Variants in CTBP2 observed in about 807,000 individuals in gnomAD.
CTBP2 encodes C-terminal binding protein 2.
In CTBP2, 30 loss-of-function variants were observed where a neutral mutation model predicts 80.3. The ratio of observed to expected loss-of-function variants is 0.37; its 90% CI spans 0.28 to 0.51. The LOEUF (loss-of-function observed/expected upper bound fraction) is 0.51. CTBP2 is among the 20% of genes least tolerant of loss of function. The pLI is 0.93. For missense variants in CTBP2, 1,212 were observed against 1,375.3 expected (o/e 0.88, Z 1.88); for synonymous variants, 594 against 587.4 (o/e 1.01, Z -0.16).
In CTBP2 at chr10:125,066,759, C is replaced by A. The variant is rs1000199717; in HGVS notation, c.-101-27604G>T. Among the ~76,000 whole-genome samples the A allele has an allele frequency of 6.6e-6, 1 of 152,164 alleles. No individual in the cohort carries two copies. The highest frequency in any genetic ancestry group is 1.5e-5 in the Non-Finnish European group (1 of 68,026). ...GGGGGTTTCTTATCCATAAATGGAA[C>A]GACCTCACCAGAATTTTAAAATGTA... On this transcript the variant is annotated intron_variant, in intron 2 of 10. Coordinates refer to the CTBP2 transcript ENST00000337195. The surrounding 1 kb of genome is among the most constrained non-coding windows in gnomAD (Gnocchi z 4.1).
chr10:125,052,661 A>G (rs1198651925), intron 2 of CTBP2, among the ~76,000 whole-genome samples: 3 of 152,182 alleles, frequency 2.0e-5, no homozygotes, highest in Non-Finnish European at 4.4e-5. Context: ...CCAGCAGCAA[A>G]CGGATGGTGA....
At chr10:125,159,785 C>G (rs1392247025) in intron 1 of CTBP2, 1 of 149,792 alleles carries the variant, frequency 6.7e-6, no homozygotes, top group African/African-American at 2.4e-5. Flanking sequence ...CCCCGGAGAT[C>G]CGGCCGTATT....
At chr10:125,096,536 C>T (rs990183727) in intron 2 of CTBP2, among the ~76,000 whole-genome samples, 6 of 152,066 alleles carry the variant, frequency 3.9e-5, no homozygotes, top group African/African-American at 1.4e-4. Flanking sequence ...CCCTCCCTGC[C>T]GAAACAGTTA....
chr10:125,050,072 TG>T (rs1962346732), intron 2 of CTBP2, among the ~76,000 whole-genome samples: 1 of 150,594 alleles, frequency 6.6e-6, no homozygotes, highest in Admixed American at 6.6e-5. Context: ...TCACTCATCA[TG>T]CAAAGGCTGG....
intron 2 of CTBP2, among the ~76,000 whole-genome samples, chr10:125,075,650 AGACTT>A (rs1846167316): frequency 6.6e-6 from 1 of 152,274 alleles, no homozygotes; most frequent in Non-Finnish European, 1.5e-5. Flanking sequence ...AACAGGCAAA[AGACTT>A]GACAGGAACT....
chr10:125,049,311 C>T (rs192909565), intron 2 of CTBP2, among the ~76,000 whole-genome samples: 4 of 152,362 alleles, frequency 2.6e-5, no homozygotes, highest in Admixed American at 6.5e-5. Context: ...ATTTCAAAGT[C>T]GCCACAGTTG....
intron 1 of CTBP2, among the ~76,000 whole-genome samples, chr10:125,146,164 G>C (rs1298655996): frequency 1.3e-5 from 2 of 152,170 alleles, no homozygotes; most frequent in Admixed American, 1.3e-4. Context: ...GAAGAGACAG[G>C]GTTTTGCCAT....
At chr10:125,010,765 G>A (rs1955794363) in intron 1 of CTBP2, among the ~76,000 whole-genome samples, 1 of 152,186 alleles carries the variant, frequency 6.6e-6, no homozygotes, top group African/African-American at 2.4e-5. Context: ...CAAAATGAGT[G>A]CCGGGGAATT....
At chr10:125,119,483 C>CA (rs1392631525) in intron 1 of CTBP2, among the ~76,000 whole-genome samples, 1 of 152,198 alleles carries the variant, frequency 6.6e-6, no homozygotes, top group Non-Finnish European at 1.5e-5. Flanking sequence ...AGGGATATGT[C>CA]AGACACTATC....
intron 1 of CTBP2, among the ~76,000 whole-genome samples, chr10:125,009,124 T>C (rs1461726553): frequency 6.6e-6 from 1 of 152,242 alleles, no homozygotes; most frequent in Non-Finnish European, 1.5e-5. Flanking sequence ...TGTCCTTTGT[T>C]GGGTGAACTC....
intron 1 of CTBP2, among the ~76,000 whole-genome samples, chr10:125,126,733 C>A (rs891409643): frequency 7.0e-6 from 1 of 143,018 alleles, no homozygotes; most frequent in African/African-American, 2.6e-5. Context: ...ATTCTGATCA[C>A]CACCCCCCGC....
chr10:125,005,960 G>A, intron 1 of CTBP2: 1 of 1,484,838 alleles, frequency 6.7e-7, no homozygotes, highest in Non-Finnish European at 8.9e-7. Flanking sequence ...CTGGGCGCAA[G>A]GTGGGAATCC....
chr10:125,155,499 T>C (rs1317231789), intron 1 of CTBP2, among the ~76,000 whole-genome samples: 1 of 152,186 alleles, frequency 6.6e-6, no homozygotes, highest in Non-Finnish European at 1.5e-5. Flanking sequence ...ACATTAATAA[T>C]GATAGCTAAA....
rs867231636 is a variant in CTBP2 at position 124,985,962 on chromosome 10, G to C, written c.*3556C>G. On this transcript the variant is annotated 3_prime_UTR_variant, in exon 9 of 9. Transcript: ENST00000309035. The stretch of plus-strand genomic sequence containing the variant: ...GCATGCCTTTGCTTAGGCAGATTGG[G>C]AATACCAATTCACTACAGAATAAAG... The C allele has an allele frequency of 7.9e-4, 121 of 152,292 alleles. No individual in the cohort carries two copies. The highest frequency in any genetic ancestry group is 2.8e-3 in the African/African-American group (118 of 41,556). 9.4% of individuals were successfully genotyped at this position (152,292 alleles called of 1,614,324 possible).
At chr10:125,161,613 C>G (rs1322939655), upstream of CTBP2, among the ~76,000 whole-genome samples, 1 of 152,074 alleles carries the variant, frequency 6.6e-6, no homozygotes, top group African/African-American at 2.4e-5. Flanking sequence ...GAGACCGTGC[C>G]GGAGAGGCGG....
intron 2 of CTBP2, among the ~76,000 whole-genome samples, chr10:125,094,866 T>G (rs1208280098): frequency 2.0e-5 from 3 of 151,516 alleles, no homozygotes; most frequent in Admixed American, 6.6e-5. Flanking sequence ...CCGGCAATTT[T>G]TTTTTTTTTT....
chr10:125,002,030 C>G (rs1181590575), intron 3 of CTBP2, among the ~76,000 whole-genome samples: 1 of 152,180 alleles, frequency 6.6e-6, no homozygotes, highest in Non-Finnish European at 1.5e-5. Flanking sequence ...GGGGCCTTAG[C>G]CGATGGGAGA....
intron 2 of CTBP2, among the ~76,000 whole-genome samples, chr10:125,073,523 G>A (rs1845834393): frequency 6.6e-6 from 1 of 152,230 alleles, no homozygotes; most frequent in Non-Finnish European, 1.5e-5. Flanking sequence ...TTACAGGCGT[G>A]AGCCATCATG....
intron 1 of CTBP2, among the ~76,000 whole-genome samples, chr10:125,124,962 C>T (rs907088442): frequency 6.6e-6 from 1 of 152,036 alleles, no homozygotes; most frequent in Admixed American, 6.5e-5. Flanking sequence ...GCCCTCTGCC[C>T]CCTCCCTCCT....
Sources: allele counts gnomAD v4.1 joint callset (sites outside exome capture counted in the v4.1 genomes callset), GRCh38; gene constraint gnomAD v4.1.1; non-coding constraint Gnocchi (gnomAD v3.1); transcripts MANE v1.5; gene names NCBI Gene and HGNC (gene_info 2026-07-23, HGNC 2026-07-21).